Variants in MACROD2 observed in about 807,000 individuals in gnomAD.
MACROD2 encodes the protein ADP-ribose glycohydrolase MACROD2.
A neutral mutation model predicts 70.4 loss-of-function variants in MACROD2; 36 were observed. The ratio of observed to expected loss-of-function variants is 0.51; its 90% CI spans 0.39 to 0.68. The LOEUF (loss-of-function observed/expected upper bound fraction) is 0.68. MACROD2 is among the 30% of genes least tolerant of loss of function. MACROD2 has a pLI of 0.00. For missense variants in MACROD2, 496 were observed against 538.4 expected, an observed-to-expected ratio of 0.92 and a Z score of 0.78; for synonymous variants, 172 against 178.8, an observed-to-expected ratio of 0.96 and a Z score of 0.30.
At chr20:14,970,161 G>C (rs1042189798) in intron 5 of MACROD2, among the ~76,000 whole-genome samples, 1 of 152,130 alleles carries the variant, frequency 6.6e-6, no homozygotes, top group Non-Finnish European at 1.5e-5. Flanking sequence ...GAGAGAGAAA[G>C]AGAGCCAAGC....
chr20:14,354,299 G>A (rs568959950), intron 3 of MACROD2, among the ~76,000 whole-genome samples: 294 of 152,198 alleles, frequency 1.9e-3, no homozygotes, highest in South Asian at 2.7e-3. Context: ...GTATACTTGT[G>A]TTGGAAGTTT....
intron 2 of MACROD2, among the ~76,000 whole-genome samples, chr20:14,050,276 C>CA (rs575814868): frequency 4.2e-4 from 64 of 152,154 alleles, no homozygotes; most frequent in African/African-American, 1.5e-3. Flanking sequence ...AGAACTCTAT[C>CA]AAGAACTCAT....
intron 5 of MACROD2, among the ~76,000 whole-genome samples, chr20:14,706,312 T>TA (rs11477206): frequency 0.025 from 3,467 of 139,840 alleles, 44 homozygotes; most frequent in African/African-American, 0.049. Context: ...GATTCTATAT[T>TA]AAAAAAAAAA....
chr20:15,563,362 C>A (rs1257206535), intron 8 of MACROD2, among the ~76,000 whole-genome samples: 1 of 152,188 alleles, frequency 6.6e-6, no homozygotes, highest in Non-Finnish European at 1.5e-5. Flanking sequence ...CTGGTCCATG[C>A]CCTTAATATC....
At chr20:14,404,933 C>T (rs1297228998) in intron 3 of MACROD2, among the ~76,000 whole-genome samples, 9 of 151,450 alleles carry the variant, frequency 5.9e-5, no homozygotes, top group Non-Finnish European at 7.4e-5. Flanking sequence ...ATATTTAAAA[C>T]GTACAGAATA....
chr20:15,680,949 C>G (rs2050151769), intron 8 of MACROD2, among the ~76,000 whole-genome samples: 3 of 152,132 alleles, frequency 2.0e-5, no homozygotes, highest in Admixed American at 2.0e-4. Context: ...CATGATACTC[C>G]CCAGTGTACC....
intron 3 of MACROD2, among the ~76,000 whole-genome samples, chr20:14,439,500 G>T (rs930288593): frequency 1.3e-5 from 2 of 151,968 alleles, no homozygotes; most frequent in African/African-American, 4.8e-5. Context: ...TAATTTTAGG[G>T]ATTTTGTGTG....
chr20:15,144,361 A>C (rs1359591323), intron 5 of MACROD2, among the ~76,000 whole-genome samples: 1 of 152,198 alleles, frequency 6.6e-6, no homozygotes, highest in African/African-American at 2.4e-5. Flanking sequence ...TTACTCAAGC[A>C]GCCACAAAAG....
intron 4 of MACROD2, among the ~76,000 whole-genome samples, chr20:14,612,455 A>T (rs1219657911): frequency 6.6e-6 from 1 of 152,140 alleles, no homozygotes; most frequent in Non-Finnish European, 1.5e-5. Context: ...ATTGTACTGT[A>T]ATTTCCCACC....
intron 2 of MACROD2, among the ~76,000 whole-genome samples, chr20:14,069,938 C>G (rs2053816506): frequency 6.6e-6 from 1 of 151,752 alleles, no homozygotes; most frequent in African/African-American, 2.4e-5. Flanking sequence ...AATGAGAAGC[C>G]ACGTGAAGCA....
intron 5 of MACROD2, among the ~76,000 whole-genome samples, chr20:15,077,782 CT>C (rs986475612): frequency 1.3e-5 from 2 of 152,108 alleles, no homozygotes; most frequent in African/African-American, 4.8e-5. Context: ...ACTCGTCTGT[CT>C]TTTAATTATT....
At chr20:15,005,089 A>C (rs546852289) in intron 5 of MACROD2, among the ~76,000 whole-genome samples, 1 of 152,346 alleles carries the variant, frequency 6.6e-6, no homozygotes, top group East Asian at 1.9e-4. Context: ...TGAACTAATG[A>C]GATGGGAAGC....
intron 3 of MACROD2, among the ~76,000 whole-genome samples, chr20:14,192,716 CGTT>C (rs748337991): frequency 2.6e-5 from 4 of 152,114 alleles, no homozygotes; most frequent in Non-Finnish European, 4.4e-5. Context: ...ATAAACTGCT[CGTT>C]GATCTCTGGG....
Position 15,671,514 on chromosome 20 carries a change from C to T in MACROD2, c.645+171667C>T, listed in dbSNP as rs138879862. On this transcript the variant is annotated intron_variant, in intron 8 of 17. Coordinates refer to ENST00000684519, the MANE Select transcript of MACROD2 (RefSeq NM_001351661.2). ...AATTGTTACTGAACATCATAAAGAA[C>T]GTGAGGAGAGGCCTCTACTATGCAT... 5.4e-3 allele frequency among the ~76,000 whole-genome samples: 826 copies of T among 152,174 alleles called. 6 individuals are homozygous for T. Among genetic ancestry groups the T allele is most frequent in the Admixed American group, 8.0e-3 (122 of 15,280 alleles).
At position 14,637,969 on chromosome 20, in the gene MACROD2, G is replaced by T. The variant is rs187589489; in HGVS notation, c.302-46874G>T. ...GAAGTCAGGGAACAACTTTTTTCCA[G>T]TTGTGATTTTCTATAATTTCATTTC... On this transcript the variant is annotated intron_variant, in intron 4 of 17. Coordinates refer to ENST00000684519, the MANE Select transcript of MACROD2 (RefSeq NM_001351661.2). 2.0e-3 allele frequency among the ~76,000 whole-genome samples: 302 copies of T among 152,062 alleles called. 2 individuals are homozygous for T. The highest frequency in any genetic ancestry group is 3.2e-3 in the Non-Finnish European group (216 of 67,976).
At chr20:15,752,183 A>C (rs2051282358) in intron 8 of MACROD2, among the ~76,000 whole-genome samples, 1 of 149,776 alleles carries the variant, frequency 6.7e-6, no homozygotes. Context: ...GCTCTTCCCT[A>C]GTTAATCTGA....
intron 7 of MACROD2, among the ~76,000 whole-genome samples, chr20:15,465,516 G>C (rs1410030589): frequency 6.6e-6 from 1 of 152,260 alleles, no homozygotes; most frequent in East Asian, 1.9e-4. Flanking sequence ...AGAGCAGGCA[G>C]AATTTTCTCC....
intron 5 of MACROD2, among the ~76,000 whole-genome samples, chr20:14,714,244 A>C (rs989331876): frequency 2.6e-5 from 4 of 152,088 alleles, no homozygotes; most frequent in African/African-American, 9.7e-5. Flanking sequence ...ACGAGTGTCT[A>C]CAAATAAAGA....
chr20:15,133,501 G>T (rs2076122027), intron 5 of MACROD2, among the ~76,000 whole-genome samples: 1 of 151,972 alleles, frequency 6.6e-6, no homozygotes, highest in Non-Finnish European at 1.5e-5. Flanking sequence ...CACATTGTTT[G>T]GCAAATAATT....
Sources: allele counts gnomAD v4.1 joint callset (sites outside exome capture counted in the v4.1 genomes callset), GRCh38; gene constraint gnomAD v4.1.1; transcripts MANE v1.5; gene names NCBI Gene and HGNC (gene_info 2026-07-23, HGNC 2026-07-21).